Variants in PTPRN2 observed in about 807,000 individuals in gnomAD.
PTPRN2 encodes the protein receptor-type tyrosine-protein phosphatase N2.
PTPRN2 carries 74 observed loss-of-function variants against 118.8 expected under a neutral mutation model. The observed-to-expected ratio is 0.62, with a 90% confidence interval of 0.52 to 0.76. PTPRN2 has a LOEUF of 0.76. Among genes scored for constraint, PTPRN2 ranks in the 30% least tolerant of loss-of-function variants. The pLI, the probability that PTPRN2 is intolerant of heterozygous loss-of-function variation, is 0.00. For missense variants in PTPRN2, 1,481 were observed against 1,394.4 expected (o/e 1.06, Z -0.99); for synonymous variants, 641 against 608.0 (o/e 1.05, Z -0.80).
chr7:157,952,518 G>A lies in PTPRN2; in HGVS notation c.1724-53781C>T, dbSNP rs571519309. On this transcript the variant is annotated intron_variant, in intron 11 of 22. Coordinates refer to ENST00000389418, the MANE Select transcript of PTPRN2 (RefSeq NM_002847.5). ...TGGGGAGGGAGACGCTGACTCCGTG[G>A]TGGAACGTGGGTAGGTGATAGGCTG... Among the ~76,000 whole-genome samples the A allele has an allele frequency of 3.9e-5, 6 of 152,164 alleles. No homozygotes were observed. In the East Asian group the frequency reaches 1.2e-3, roughly 30 times the overall value.
rs1353333515 is a variant in PTPRN2, at chr7:157,669,405, C to T, written c.2002-12854G>A. The T allele has an allele frequency of 4.7e-5, 20 of 429,498 alleles. No homozygotes were observed. In the Admixed American group the frequency reaches 4.7e-4, roughly 10 times the overall value. The allele number at this position is 429,498 out of a possible 1,614,324, so 26.6% of individuals were successfully genotyped here. A position where few individuals can be genotyped will look rare whatever the true frequency, so the allele number is the denominator to read the frequency against. On this transcript the variant is annotated intron_variant, in intron 13 of 22. Transcript: ENST00000389418. ...CTTTTACACTTGGACCAAGAACAAC[C>T]CACACACGTGTTTGCACGCGCACAC... is the stretch of plus-strand genomic sequence containing the variant.
intron 10 of PTPRN2, among the ~76,000 whole-genome samples, chr7:158,082,966 G>A (rs1387395944): frequency 1.3e-5 from 2 of 152,176 alleles, no homozygotes; most frequent in Admixed American, 6.5e-5. Flanking sequence ...CCCTCAGAAA[G>A]GAGGAGGCCA....
At chr7:158,431,004 C>T (rs1816130951) in intron 2 of PTPRN2, among the ~76,000 whole-genome samples, 1 of 152,202 alleles carries the variant, frequency 6.6e-6, no homozygotes, top group South Asian at 2.1e-4. Context: ...AGGGAGCTGG[C>T]TAACGAGGAC....
At chr7:157,976,654 C>T (rs1802774823) in intron 11 of PTPRN2, among the ~76,000 whole-genome samples, 1 of 151,862 alleles carries the variant, frequency 6.6e-6, no homozygotes, top group African/African-American at 2.4e-5. Context: ...CTCCCTGCCT[C>T]CAGCGTCTGC....
intron 2 of PTPRN2, among the ~76,000 whole-genome samples, chr7:158,425,179 C>T (rs1815615541): frequency 2.8e-5 from 1 of 35,262 alleles, no homozygotes; most frequent in African/African-American, 7.2e-5. Flanking sequence ...CGAGACCAGT[C>T]TAGCTGAGGC....
intron 12 of PTPRN2, among the ~76,000 whole-genome samples, chr7:157,856,405 G>A (rs1809715739): frequency 6.6e-6 from 1 of 152,216 alleles, no homozygotes; most frequent in African/African-American, 2.4e-5. Context: ...CAGCTCAGAT[G>A]TCTATTTTAC....
At chr7:157,910,424 T>C (rs2128760955) in intron 11 of PTPRN2, among the ~76,000 whole-genome samples, 1 of 140,664 alleles carries the variant, frequency 7.1e-6, no homozygotes, top group South Asian at 2.4e-4. Context: ...ACGTACGCCG[T>C]GGGAACGGGT....
intron 11 of PTPRN2, among the ~76,000 whole-genome samples, chr7:157,995,543 T>C (rs1345671309): frequency 3.9e-5 from 6 of 152,222 alleles, no homozygotes. Flanking sequence ...ACCCCAAGGT[T>C]TGTTGCCATG....
At chr7:158,108,746 T>C (rs547524970) in intron 10 of PTPRN2, among the ~76,000 whole-genome samples, 59 of 152,336 alleles carry the variant, frequency 3.9e-4, no homozygotes, top group African/African-American at 1.4e-3. Context: ...GTGCCCTCCA[T>C]GCTAATGACC....
intron 2 of PTPRN2, among the ~76,000 whole-genome samples, chr7:158,366,133 ATG>A (rs1809484006): frequency 7.1e-6 from 1 of 140,954 alleles, no homozygotes; most frequent in African/African-American, 2.7e-5. Flanking sequence ...ACGCGTGCAC[ATG>A]CACACACACC....
At chr7:157,802,007 G>A (rs1397389620) in intron 12 of PTPRN2, among the ~76,000 whole-genome samples, 1 of 152,174 alleles carries the variant, frequency 6.6e-6, no homozygotes, top group Non-Finnish European at 1.5e-5. Flanking sequence ...GGACTTCTCG[G>A]CGTGCAGCTC....
At chr7:157,776,105 C>T (rs1328911874) in intron 12 of PTPRN2, among the ~76,000 whole-genome samples, 1 of 148,288 alleles carries the variant, frequency 6.7e-6, no homozygotes, top group Non-Finnish European at 1.5e-5. Flanking sequence ...TCCACCTCCT[C>T]TCTCCTCTCC....
chr7:158,292,865 T>G (rs1175815556), intron 3 of PTPRN2, among the ~76,000 whole-genome samples: 2 of 152,078 alleles, frequency 1.3e-5, no homozygotes, highest in East Asian at 3.9e-4. Context: ...GTCAGGAGTT[T>G]GAGTTCAGCC....
chr7:158,311,997 GCA>G (rs540856028), intron 3 of PTPRN2, among the ~76,000 whole-genome samples: 53 of 146,964 alleles, frequency 3.6e-4, no homozygotes, highest in African/African-American at 1.2e-3. Flanking sequence ...CCACACACAT[GCA>G]CACACACCTG....
intron 6 of PTPRN2, among the ~76,000 whole-genome samples, chr7:158,158,719 C>T (rs1462411899): frequency 3.6e-5 from 1 of 27,468 alleles, no homozygotes; most frequent in African/African-American, 2.1e-4. Context: ...GCCGGGACTT[C>T]GCAAGGGCTT....
chr7:157,942,445 A>C (rs549530890), intron 11 of PTPRN2, among the ~76,000 whole-genome samples: 64 of 152,270 alleles, frequency 4.2e-4, no homozygotes, highest in African/African-American at 1.4e-3. Flanking sequence ...AATGTCCTGA[A>C]AATGCTCCCA....
In PTPRN2 at chr7:158,557,279, C is replaced by T. The variant is rs545385319; in HGVS notation, c.112+30279G>A. Among the ~76,000 whole-genome samples, 7 of 144,254 alleles carry T rather than the reference C, an allele frequency of 4.9e-5. No homozygotes were observed. The East Asian group carries it at 8.6e-4, about 18-fold the overall frequency. The allele number at this position is 144,254 out of a possible 152,430, so 94.6% of individuals were successfully genotyped here. ...GCAGGTGGCTCCCGCGCAGGTCAGGCGGCTCCTGTGCAGGTCGCTCCTGGG... is the reference window on the plus strand; with the variant it reads ...GCAGGTGGCTCCCGCGCAGGTCAGGTGGCTCCTGTGCAGGTCGCTCCTGGG... On this transcript the variant is annotated intron_variant, in intron 1 of 22. Coordinates refer to ENST00000389418, the MANE Select transcript of PTPRN2 (RefSeq NM_002847.5).
At chr7:157,900,789 C>A (rs180743158) in intron 11 of PTPRN2, among the ~76,000 whole-genome samples, 7 of 152,196 alleles carry the variant, frequency 4.6e-5, no homozygotes, top group African/African-American at 1.7e-4. Flanking sequence ...CTGTCCCCTG[C>A]ATAACAGAAT....
chr7:157,781,592 C>G (rs1358430824), intron 12 of PTPRN2, among the ~76,000 whole-genome samples: 1 of 152,206 alleles, frequency 6.6e-6, no homozygotes, highest in African/African-American at 2.4e-5. Context: ...CCATCTCATA[C>G]AAGTTCGAGT....
Sources: allele counts gnomAD v4.1 joint callset (sites outside exome capture counted in the v4.1 genomes callset), GRCh38; gene constraint gnomAD v4.1.1; transcripts MANE v1.5; gene names NCBI Gene and HGNC (gene_info 2026-07-23, HGNC 2026-07-21).